Variants in NT5DC3 observed in about 807,000 individuals in gnomAD.
The protein encoded by NT5DC3 is 5'-nucleotidase domain-containing protein 3.
In NT5DC3, 42 loss-of-function variants were observed where a neutral mutation model predicts 67.8. The ratio of observed to expected loss-of-function variants is 0.62; its 90% confidence interval spans 0.48 to 0.80. NT5DC3 has a LOEUF of 0.80. NT5DC3 is among the 30% of genes least tolerant of loss of function. The pLI is 0.00. For missense variants in NT5DC3, 570 were observed against 696.4 expected (o/e 0.82, Z 2.04); for synonymous variants, 237 against 255.6 (o/e 0.93, Z 0.69).
chr12:103,763,063 G>T, the NT5DC3 span, among the ~76,000 whole-genome samples: 398 of 152,342 alleles, frequency 2.6e-3, 3 homozygotes, highest in African/African-American at 9.2e-3. Flanking sequence ...CAGACAGCTT[G>T]TATATTTATA....
chr12:103,785,849 C>T (rs1331044792), intron 11 of NT5DC3: 6 of 415,436 alleles, frequency 1.4e-5, no homozygotes, highest in Non-Finnish European at 2.8e-5. Context: ...CATCCACAGA[C>T]CTGTGTGTGC....
At chr12:103,796,827 A>T in intron 6 of NT5DC3, 67 bp downstream of exon 6, 1 of 1,559,808 alleles carries the variant, frequency 6.4e-7, no homozygotes, top group Non-Finnish European at 8.8e-7. Flanking sequence ...GAGGTTCAAG[A>T]CTCTGTGACT....
At chr12:103,746,557 C>T in the NT5DC3 span, 1 of 1,598,334 alleles carries the variant, frequency 6.3e-7, no homozygotes, top group South Asian at 1.1e-5. Context: ...TAACTCTTCA[C>T]ACCATGGGTA....
the NT5DC3 span, among the ~76,000 whole-genome samples, chr12:103,749,568 G>A: frequency 1.1e-4 from 17 of 151,598 alleles, no homozygotes; most frequent in Non-Finnish European, 2.2e-4. Context: ...GGTGGCTCAC[G>A]CCTGTAATCC....
chr12:103,767,947 G>T (rs1029449235), downstream of NT5DC3, among the ~76,000 whole-genome samples: 1 of 151,780 alleles, frequency 6.6e-6, no homozygotes, highest in Non-Finnish European at 1.5e-5. Context: ...TAATAGCTGG[G>T]CATGGTAGCA....
intron 1 of NT5DC3, among the ~76,000 whole-genome samples, chr12:103,826,638 C>G (rs1887708038): frequency 6.6e-6 from 1 of 152,238 alleles, no homozygotes; most frequent in Admixed American, 6.5e-5. Context: ...AGACTTTTAA[C>G]TTCCAGAACT....
chr12:103,762,467 G>A, the NT5DC3 span: 2 of 1,608,980 alleles, frequency 1.2e-6, no homozygotes, highest in Non-Finnish European at 1.7e-6. Context: ...CTGGACCTGG[G>A]CTGCTTCAGT....
At position 103,798,579 on chromosome 12, in the gene NT5DC3, C is replaced by G; in HGVS notation, c.615+8G>C. ...GCTGCTTTAAATGAATAAAGTGCTT[C>G]TCATTACCTTTCCGTAAAAGTCACT... is the stretch of plus-strand genomic sequence containing the variant. On this transcript the variant is annotated splice_region_variant and intron_variant, in intron 5 of 13. Coordinates refer to ENST00000392876, the MANE Select transcript of NT5DC3 (RefSeq NM_001031701.3). 6.2e-7 allele frequency: 1 copy of G among 1,600,132 alleles called. No homozygotes were observed. The highest frequency in any genetic ancestry group is 8.6e-7 in the Non-Finnish European group (1 of 1,167,406).
chr12:103,766,422 C>T (rs1884970846), downstream of NT5DC3: 9 of 1,474,880 alleles, frequency 6.1e-6, no homozygotes, highest in Admixed American at 2.0e-5. Flanking sequence ...CTTTTAGGAA[C>T]GTAAAGTCCT....
intron 9 of NT5DC3, among the ~76,000 whole-genome samples, chr12:103,791,385 C>T (rs937146598): frequency 4.6e-5 from 7 of 152,150 alleles, no homozygotes; most frequent in African/African-American, 1.7e-4. Context: ...CCAACCTCCC[C>T]CACTTCTTCC....
chr12:103,753,446 C>T, the NT5DC3 span: 33 of 1,568,938 alleles, frequency 2.1e-5, no homozygotes, highest in Non-Finnish European at 2.5e-5. Flanking sequence ...GAGCTGTTGC[C>T]TTCAAGCAAG....
intron 4 of NT5DC3, among the ~76,000 whole-genome samples, chr12:103,803,035 G>T (rs1886649840): frequency 6.6e-6 from 1 of 152,096 alleles, no homozygotes; most frequent in Non-Finnish European, 1.5e-5. Context: ...GAGAGAAGGG[G>T]TAAGTGTCTA....
intron 1 of NT5DC3, among the ~76,000 whole-genome samples, chr12:103,840,433 TCCATC>T (rs1183284305): frequency 7.3e-5 from 9 of 123,830 alleles, no homozygotes; most frequent in African/African-American, 2.6e-4. Context: ...TCCATCCCAT[TCCATC>T]CCATCCCATC....
the NT5DC3 span, among the ~76,000 whole-genome samples, chr12:103,747,335 T>C: frequency 1.4e-4 from 22 of 152,312 alleles, no homozygotes; most frequent in African/African-American, 5.1e-4. Context: ...AGGCAGATGT[T>C]TCCTATTGTC....
chr12:103,786,706 A>C (rs1253532484), intron 11 of NT5DC3, among the ~76,000 whole-genome samples: 1 of 76,292 alleles, frequency 1.3e-5, no homozygotes, highest in African/African-American at 4.6e-5. Flanking sequence ...TTTTTGAGGC[A>C]GGGTCTCACT....
chr12:103,781,587 TA>T (rs1301987251), intron 12 of NT5DC3, among the ~76,000 whole-genome samples: 1 of 152,158 alleles, frequency 6.6e-6, no homozygotes, highest in Non-Finnish European at 1.5e-5. Flanking sequence ...CATCAGCCAT[TA>T]AACATGCTCA....
At chr12:103,752,144 T>C in the NT5DC3 span, among the ~76,000 whole-genome samples, 1 of 152,120 alleles carries the variant, frequency 6.6e-6, no homozygotes, top group East Asian at 1.9e-4. Context: ...AAGATAAGCA[T>C]ACCCATCCCA....
At position 103,840,968 on chromosome 12, in the gene NT5DC3, C is replaced by A; in HGVS notation, c.189G>T (p.Glu63Asp). 7.4e-7 allele frequency: 1 copy of A among 1,346,162 alleles called. No homozygotes were observed. Among genetic ancestry groups the A allele is most frequent in the South Asian group, 1.9e-5 (1 of 51,328 alleles). The allele number at this position is 1,346,162 out of a possible 1,614,324, so 83.4% of individuals were successfully genotyped here. ...MKRYLWERYR[E>D]AKRSTEELVP... ...ACTCACCTTCTGTGCTTCTCTTCGC[C>A]TCCCGGTAGCGCTCCCACAGGTAGC... is the stretch of plus-strand genomic sequence containing the variant. The change falls in exon 1 of 14, where the codon GAG becomes GAT. Residue 63 changes from glutamate to aspartate, a missense_variant. This residue lies in a region of NT5DC3 where 104 missense variants were observed against 88.4 expected (regional missense o/e 1.18). Transcript: ENST00000392876.
At chr12:103,781,181 A>G (rs1365752238) in intron 12 of NT5DC3, among the ~76,000 whole-genome samples, 1 of 152,218 alleles carries the variant, frequency 6.6e-6, no homozygotes, top group African/African-American at 2.4e-5. Flanking sequence ...CAAGGTGCAC[A>G]TGATCGCAGG....
Sources: allele counts gnomAD v4.1 joint callset (sites outside exome capture counted in the v4.1 genomes callset), GRCh38; gene constraint gnomAD v4.1.1; regional missense constraint gnomAD v4.1.1; transcripts MANE v1.5; gene names NCBI Gene and HGNC (gene_info 2026-07-23, HGNC 2026-07-21).